Variants in TGFBRAP1 observed in about 807,000 individuals in gnomAD.
TGFBRAP1 encodes transforming growth factor-beta receptor-associated protein 1.
A neutral mutation model predicts 83.2 loss-of-function variants in TGFBRAP1; 20 were observed. The observed-to-expected ratio is 0.24, with a 90% confidence interval of 0.17 to 0.35. The LOEUF is 0.35. Ranked by LOEUF, TGFBRAP1 falls within the 10% of genes least tolerant of loss-of-function variation. The probability of loss-of-function intolerance (pLI) is 1.00; values close to 1 mark genes in which losing one functional copy is unlikely to be tolerated. For synonymous variants in TGFBRAP1, 415 were observed against 459.8 expected, an observed-to-expected ratio of 0.90 and a Z score of 1.25; for missense variants, 950 against 1,099.4, an observed-to-expected ratio of 0.86 and a Z score of 1.92.
chr2:105,321,020 T>C (rs1679042682), intron 1 of TGFBRAP1, among the ~76,000 whole-genome samples: 3 of 152,210 alleles, frequency 2.0e-5, no homozygotes, highest in Admixed American at 6.5e-5. Flanking sequence ...GAATGGGCTC[T>C]GGGGGACGGC....
the TGFBRAP1 span, among the ~76,000 whole-genome samples, chr2:105,254,123 T>G: frequency 6.6e-6 from 1 of 152,206 alleles, no homozygotes; most frequent in Non-Finnish European, 1.5e-5. Flanking sequence ...GACATAAATT[T>G]TTCTGCCTAG....
intron 2 of TGFBRAP1, among the ~76,000 whole-genome samples, chr2:105,299,294 A>G (rs566126160): frequency 2.1e-4 from 32 of 152,258 alleles, no homozygotes; most frequent in South Asian, 8.3e-4. Flanking sequence ...ATAAGTAAGT[A>G]AAATAAAATA....
Position 105,273,550 on chromosome 2 carries a change from T to C in TGFBRAP1, c.1806A>G (p.Arg602=). ...TAACTTCTGCAGTGCTCACCTGCAG[T>C]CTCTTGTCTATCACAAGATGTTCCA... ...KYLEHLVIDK[R]LQKEEYHTHL... Residue 602 remains arginine (R), a synonymous_variant, in exon 9 of 12, where the codon AGA becomes AGG. Coordinates refer to ENST00000393359, the MANE Select transcript of TGFBRAP1 (RefSeq NM_004257.6). 6.2e-7 allele frequency: 1 copy of C among 1,614,132 alleles called. No homozygotes were observed. The highest frequency in any genetic ancestry group is 1.3e-5 in the African/African-American group (1 of 75,062).
chr2:105,302,655 T>C (rs1678339518), intron 2 of TGFBRAP1, among the ~76,000 whole-genome samples: 1 of 152,194 alleles, frequency 6.6e-6, no homozygotes, highest in Admixed American at 6.5e-5. Flanking sequence ...AAATAAAGGT[T>C]ACCTATGGGA....
At chr2:105,254,551 G>T in the TGFBRAP1 span, among the ~76,000 whole-genome samples, 1 of 151,988 alleles carries the variant, frequency 6.6e-6, no homozygotes, top group Non-Finnish European at 1.5e-5. Flanking sequence ...ACCAATTTGG[G>T]CTGGAAGAAT....
At chr2:105,285,153 A>G (rs1677672793) in intron 4 of TGFBRAP1, among the ~76,000 whole-genome samples, 1 of 152,212 alleles carries the variant, frequency 6.6e-6, no homozygotes, top group South Asian at 2.1e-4. Context: ...ACAGATGCCA[A>G]CACCATAGCC....
intron 1 of TGFBRAP1, among the ~76,000 whole-genome samples, chr2:105,325,605 G>A (rs1390511783): frequency 1.3e-5 from 2 of 150,092 alleles, no homozygotes; most frequent in African/African-American, 4.8e-5. Flanking sequence ...TGCAGTTCCT[G>A]AGGAGTCTTT....
intron 6 of TGFBRAP1, among the ~76,000 whole-genome samples, chr2:105,278,904 A>G (rs192423516): frequency 5.4e-4 from 82 of 152,140 alleles, no homozygotes; most frequent in African/African-American, 1.9e-3. Flanking sequence ...ATTCCATAGC[A>G]TATCCGAGTG....
At chr2:105,253,108 T>C in the TGFBRAP1 span, among the ~76,000 whole-genome samples, 2 of 151,782 alleles carry the variant, frequency 1.3e-5, no homozygotes, top group Admixed American at 6.6e-5. Context: ...AAGAATGACA[T>C]ATATGAATAA....
In TGFBRAP1 at chr2:105,266,016, G is replaced by C. The variant is rs1415307903; in HGVS notation, c.*1367C>G. ...TGTTTCCCAAGCATGATAGTAGTGG[G>C]TAGACTGCCTTTATTGTTAGCCCCT... On this transcript the variant is annotated 3_prime_UTR_variant, in exon 12 of 12. Coordinates refer to ENST00000393359, the MANE Select transcript of TGFBRAP1 (RefSeq NM_004257.6). The C allele has an allele frequency of 6.6e-6, 1 of 152,258 alleles. No individual in the cohort carries two copies. Among genetic ancestry groups the C allele is most frequent in the Non-Finnish European group, 1.5e-5 (1 of 68,044 alleles). The allele number at this position is 152,258 out of a possible 1,614,324, so 9.4% of individuals were successfully genotyped here. A position where few individuals can be genotyped will look rare whatever the true frequency, so the allele number is the denominator to read the frequency against.
chr2:105,295,074 T>C (rs1678038401), intron 4 of TGFBRAP1, among the ~76,000 whole-genome samples: 1 of 152,210 alleles, frequency 6.6e-6, no homozygotes, highest in Non-Finnish European at 1.5e-5. Context: ...TTTTTGCCTT[T>C]GCTGCCCCCT....
chr2:105,322,721 C>G (rs867591421), intron 1 of TGFBRAP1, among the ~76,000 whole-genome samples: 10 of 152,144 alleles, frequency 6.6e-5, no homozygotes, highest in Non-Finnish European at 4.4e-5. Flanking sequence ...GTGTATAATA[C>G]ACTGTACCAT....
intron 1 of TGFBRAP1, among the ~76,000 whole-genome samples, chr2:105,312,990 T>C (rs1477864555): frequency 6.6e-6 from 1 of 152,128 alleles, no homozygotes; most frequent in African/African-American, 2.4e-5. Flanking sequence ...CACATGCCTG[T>C]AATTCCAGCT....
At chr2:105,275,780 G>A in intron 7 of TGFBRAP1, 77 bp from the exon 8 acceptor site, 1 of 1,448,872 alleles carries the variant, frequency 6.9e-7, no homozygotes, top group African/African-American at 1.4e-5. Flanking sequence ...AGAATTAGTT[G>A]AGAAATGGCA....
chr2:105,313,691 C>T (rs1007286033), intron 1 of TGFBRAP1, among the ~76,000 whole-genome samples: 1 of 152,124 alleles, frequency 6.6e-6, no homozygotes, highest in African/African-American at 2.4e-5. Flanking sequence ...AATATTAGCA[C>T]ACGAAATCCA....
chr2:105,299,107 C>T (rs559681134), intron 2 of TGFBRAP1, among the ~76,000 whole-genome samples: 2 of 152,032 alleles, frequency 1.3e-5, no homozygotes, highest in South Asian at 2.1e-4. Flanking sequence ...ATGGCAAAAC[C>T]TCACCCTTAC....
At chr2:105,322,478 C>T (rs2104420521) in intron 1 of TGFBRAP1, among the ~76,000 whole-genome samples, 1 of 152,306 alleles carries the variant, frequency 6.6e-6, no homozygotes, top group South Asian at 2.1e-4. Flanking sequence ...AACTTCCAGT[C>T]CTGCGAGCTC....
chr2:105,270,370 G>A (rs907588613), intron 10 of TGFBRAP1, among the ~76,000 whole-genome samples: 3 of 152,048 alleles, frequency 2.0e-5, no homozygotes, highest in East Asian at 1.9e-4. Flanking sequence ...TGTGTCTCAC[G>A]GGCAAAGTCA....
intron 5 of TGFBRAP1, 87 bp downstream of exon 5, chr2:105,284,229 T>A (rs1337935299): frequency 4.7e-6 from 6 of 1,266,230 alleles, no homozygotes; most frequent in Non-Finnish European, 6.9e-6. Flanking sequence ...ATGCAACACA[T>A]CCCACCGCGA....
Sources: gnomAD v4.1 joint callset for allele counts (sites outside exome capture counted in the v4.1 genomes callset) on GRCh38, gnomAD v4.1.1 for gene constraint, MANE v1.5 for transcripts, NCBI Gene and HGNC (gene_info 2026-07-23, HGNC 2026-07-21) for gene names.